Variants in CDYL2 observed in about 807,000 individuals in gnomAD.
The protein encoded by CDYL2 is chromodomain Y like 2, also known as chromodomain Y-like protein 2.
In CDYL2, 23 loss-of-function variants were observed where a neutral mutation model predicts 49.4. The observed-to-expected ratio is 0.47, with a 90% CI of 0.34 to 0.66. The LOEUF is 0.66. CDYL2 is among the 30% of genes least tolerant of loss of function. The pLI, the probability that CDYL2 is intolerant of heterozygous loss-of-function variation, is 0.01. For missense variants in CDYL2, 678 were observed against 656.4 expected, an observed-to-expected ratio of 1.03 and a Z score of -0.36; for synonymous variants, 360 against 268.8, an observed-to-expected ratio of 1.34 and a Z score of -3.32.
intron 2 of CDYL2, among the ~76,000 whole-genome samples, chr16:80,647,599 T>C (rs1021543494): frequency 2.0e-5 from 3 of 152,170 alleles, no homozygotes; most frequent in African/African-American, 7.2e-5. Context: ...AGCTGTAGAC[T>C]TGAAGACTCC....
At chr16:80,788,367 C>G (rs1907502487) in intron 1 of CDYL2, among the ~76,000 whole-genome samples, 1 of 152,186 alleles carries the variant, frequency 6.6e-6, no homozygotes, top group African/African-American at 2.4e-5. Flanking sequence ...GCTTTCCCAT[C>G]CTGATTAACT....
chr16:80,747,733 A>ACCACTGAGTAAGTGCCCTAGTTTCTTTG (rs1905982330), intron 1 of CDYL2, among the ~76,000 whole-genome samples: 1 of 152,112 alleles, frequency 6.6e-6, no homozygotes, highest in Non-Finnish European at 1.5e-5. Context: ...CCCCTCTAGA[A>ACCACTGAGTAAGTGCCCTAGTTTCTTTG]CCACTGAGTA....
chr16:80,673,760 T>A (rs1197628655), intron 2 of CDYL2, among the ~76,000 whole-genome samples: 4 of 152,120 alleles, frequency 2.6e-5, no homozygotes, highest in African/African-American at 9.7e-5. Context: ...GTACCTGACA[T>A]GGCAAAAAGG....
chr16:80,636,649 T>C (rs994104693), intron 2 of CDYL2, among the ~76,000 whole-genome samples: 1 of 152,200 alleles, frequency 6.6e-6, no homozygotes, highest in African/African-American at 2.4e-5. Flanking sequence ...AGTGTGGCGA[T>C]TCCTCAAGGA....
intron 3 of CDYL2, chr16:80,627,749 T>C (rs1907366282): frequency 6.6e-6 from 1 of 152,198 alleles, no homozygotes; most frequent in African/African-American, 2.4e-5. Context: ...AACAGAAAAT[T>C]CTTCTTAGAG....
At chr16:80,716,880 T>A (rs961563623) in intron 1 of CDYL2, among the ~76,000 whole-genome samples, 1 of 147,182 alleles carries the variant, frequency 6.8e-6, no homozygotes, top group Non-Finnish European at 1.5e-5. Flanking sequence ...GATGGATGAC[T>A]GGATGGATGG....
At chr16:80,785,727 A>G (rs372512828) in intron 1 of CDYL2, among the ~76,000 whole-genome samples, 61 of 152,352 alleles carry the variant, frequency 4.0e-4, no homozygotes, top group African/African-American at 1.3e-3. Flanking sequence ...ACAAGGCTAC[A>G]GTAAACAAAA....
intron 1 of CDYL2, chr16:80,742,244 G>A (rs1371841125): frequency 6.6e-6 from 1 of 152,174 alleles, no homozygotes; most frequent in Admixed American, 6.5e-5. Flanking sequence ...AACATCAACA[G>A]GAAACACTTT....
chr16:80,662,719 T>C (rs1172642813), intron 2 of CDYL2: 1 of 455,778 alleles, frequency 2.2e-6, no homozygotes, highest in East Asian at 6.9e-5. Context: ...TTTTTTAATT[T>C]TAACTAATTG....
intron 4 of CDYL2, among the ~76,000 whole-genome samples, chr16:80,620,145 T>A (rs1022038935): frequency 6.6e-5 from 10 of 152,236 alleles, no homozygotes; most frequent in Admixed American, 2.6e-4. Flanking sequence ...CACTTGCTTT[T>A]GATATACTGA....
At chr16:80,759,121 T>TATATAC (rs1555535894) in intron 1 of CDYL2, among the ~76,000 whole-genome samples, 1 of 120,600 alleles carries the variant, frequency 8.3e-6, no homozygotes, top group Non-Finnish European at 1.7e-5. Flanking sequence ...TATATATATA[T>TATATAC]ATATATATAT....
intron 5 of CDYL2, among the ~76,000 whole-genome samples, chr16:80,611,507 C>G (rs75672882): frequency 0.022 from 3,425 of 152,256 alleles, 129 homozygotes; most frequent in African/African-American, 0.077. Context: ...GCCTCCAACG[C>G]CTACTCGGAC....
chr16:80,630,584 T>A (rs1231307999), intron 3 of CDYL2, among the ~76,000 whole-genome samples: 2 of 151,358 alleles, frequency 1.3e-5, no homozygotes, highest in Non-Finnish European at 3.0e-5. Flanking sequence ...GCTCTGGGCT[T>A]CTTTGAATCC....
chr16:80,731,911 T>TG (rs1479685020), intron 1 of CDYL2, among the ~76,000 whole-genome samples: 1 of 52,608 alleles, frequency 1.9e-5, no homozygotes, highest in African/African-American at 3.6e-5. Flanking sequence ...TGCAGCACAG[T>TG]TAAAAAAAAA....
At chr16:80,702,183 A>AAAC (rs1555531305) in intron 1 of CDYL2, among the ~76,000 whole-genome samples, 8 of 142,772 alleles carry the variant, frequency 5.6e-5, no homozygotes, top group African/African-American at 2.1e-4. Context: ...GAAGGCCTAA[A>AAAC]ACACACACAC....
Position 80,672,535 on chromosome 16 carries a change from A to AAAGGAAAGGAAAGGAAAGG in CDYL2, c.616+12002_616+12003insCCTTTCCTTTCCTTTCCTT, listed in dbSNP as rs1461387134. The stretch of plus-strand genomic sequence containing the variant: ...GAAAGAAGCAAAGCAAAGGAAAAGG[A>AAAGGAAAGGAAAGGAAAGG]AAAGGAAAGGAAAGGAAAGGAAAGG... On this transcript the variant is annotated intron_variant, in intron 2 of 6. Transcript: ENST00000570137. 3.7e-3 allele frequency among the ~76,000 whole-genome samples: 171 copies of AAAGGAAAGGAAAGGAAAGG among 46,330 alleles called. 3 individuals are homozygous for AAAGGAAAGGAAAGGAAAGG. Among genetic ancestry groups the AAAGGAAAGGAAAGGAAAGG allele is most frequent in the Admixed American group, 8.0e-3 (32 of 3,994 alleles). 30.4% of individuals were successfully genotyped at this position (46,330 alleles called of 152,430 possible). A position where few individuals can be genotyped will look rare whatever the true frequency, so the allele number is the denominator to read the frequency against.
chr16:80,677,851 C>T (rs1909818056), intron 2 of CDYL2, among the ~76,000 whole-genome samples: 1 of 152,072 alleles, frequency 6.6e-6, no homozygotes, highest in South Asian at 2.1e-4. Flanking sequence ...CGCTACCTGA[C>T]TTCAAACTAT....
chr16:80,737,593 G>A (rs1321865905), intron 1 of CDYL2, among the ~76,000 whole-genome samples: 2 of 152,176 alleles, frequency 1.3e-5, no homozygotes, highest in African/African-American at 4.8e-5. Context: ...TGCTAGTGGT[G>A]GTGGTTTTCT....
At chr16:80,670,916 G>T (rs1909476409) in intron 2 of CDYL2, 1 of 455,830 alleles carries the variant, frequency 2.2e-6, no homozygotes, top group Non-Finnish European at 4.4e-6. Context: ...CTATACACAG[G>T]GGCTTGCCTC....
Sources: allele counts gnomAD v4.1 joint callset (sites outside exome capture counted in the v4.1 genomes callset), GRCh38; gene constraint gnomAD v4.1.1; transcripts MANE v1.5; gene names NCBI Gene and HGNC (gene_info 2026-07-23, HGNC 2026-07-21).